Variants in TRPM2 observed in about 807,000 individuals in gnomAD.
TRPM2 encodes the protein transient receptor potential cation channel subfamily M member 2, also known as estrogen-responsive element-associated gene 1 protein.
TRPM2 carries 161 observed loss-of-function variants against 174.0 expected under a neutral mutation model. The observed-to-expected ratio is 0.93, with a 90% CI of 0.81 to 1.05. TRPM2 has a LOEUF of 1.05. TRPM2 is among the 50% of genes least tolerant of loss of function. TRPM2 has a pLI of 0.00. For synonymous variants in TRPM2, 954 were observed against 861.3 expected (o/e 1.11, Z -1.88); for missense variants, 2,057 against 2,038.0 (o/e 1.01, Z -0.18).
intron 2 of TRPM2, among the ~76,000 whole-genome samples, chr21:44,361,638 G>T (rs1166077605): frequency 2.0e-5 from 3 of 149,580 alleles, no homozygotes; most frequent in Non-Finnish European, 1.5e-5. Context: ...TTTTCTGTTT[G>T]TTCTGTGTTT....
At chr21:44,426,575 G>A (rs529658622) in intron 25 of TRPM2, 85 bp from the exon 26 acceptor site, 14 of 1,427,402 alleles carry the variant, frequency 9.8e-6, no homozygotes, top group Non-Finnish European at 1.4e-5. Context: ...TTCAGACCCA[G>A]CTGAGCAGCC....
At chr21:44,373,274 C>T (rs527958375) in intron 5 of TRPM2, among the ~76,000 whole-genome samples, 10 of 152,166 alleles carry the variant, frequency 6.6e-5, no homozygotes, top group Non-Finnish European at 1.2e-4. Context: ...GCAACCTCCG[C>T]CTCCTGGGTT....
chr21:44,375,757 G>A (rs567883813), intron 5 of TRPM2, 76 bp from the exon 6 acceptor site: 3 of 1,488,314 alleles, frequency 2.0e-6, no homozygotes, highest in South Asian at 1.3e-5. Context: ...CTCTGTGAGG[G>A]CCGGTGTTCA....
chr21:44,381,646 A>G (rs1013343125), intron 8 of TRPM2, among the ~76,000 whole-genome samples: 4 of 152,010 alleles, frequency 2.6e-5, no homozygotes, highest in East Asian at 1.9e-4. Flanking sequence ...GTGGCTCACA[A>G]TTGTAATCCC....
At position 44,377,750 on chromosome 21, in the gene TRPM2, G is replaced by A. The variant is rs140720682; in HGVS notation, c.991G>A (p.Glu331Lys). The change falls in exon 7 of 32, where the codon GAG becomes AAG. Residue 331 changes from glutamate to lysine, a missense_variant. By Grantham distance (56) the Glu-to-Lys change is moderately conservative. Coordinates refer to ENST00000397928, the MANE Select transcript of TRPM2 (RefSeq NM_003307.4). ...GATCCCCATCGTGTGCGTGGTGCTG[G>A]AGGGCGGCCCGGGCACGTTGCACGT... ...IKIPIVCVVL[E>K]GGPGTLHTID... The A allele has an allele frequency of 6.2e-7, 1 of 1,614,210 alleles. No homozygotes were observed. Among genetic ancestry groups the A allele is most frequent in the Non-Finnish European group, 8.5e-7 (1 of 1,180,050 alleles).
Position 44,405,415 on chromosome 21 carries a change from C to T in TRPM2, c.2657+155C>T, listed in dbSNP as rs148237116. On this transcript the variant is annotated intron_variant, in intron 17 of 31. Coordinates refer to ENST00000397928, the MANE Select transcript of TRPM2 (RefSeq NM_003307.4). ...TGTCCAATGGGTGTCCAGGCAACAG[C>T]GCCCCACCTACCCTTGGGATTGTTG... Among the ~76,000 whole-genome samples the T allele has an allele frequency of 1.1e-4, 16 of 152,282 alleles. No individual in the cohort carries two copies. The East Asian group carries it at 1.3e-3, about 13-fold the overall frequency.
intron 8 of TRPM2, among the ~76,000 whole-genome samples, chr21:44,380,603 C>A (rs138087408): frequency 0.02 from 2,975 of 152,338 alleles, 56 homozygotes; most frequent in Non-Finnish European, 0.03. Context: ...GATGCTCCTG[C>A]TCAGTGGGGA....
rs2050286647 is a variant in TRPM2, at chr21:44,416,553, G to A, written c.3147-1374G>A. On this transcript the variant is annotated intron_variant, in intron 20 of 31. Transcript: ENST00000397928. ...CACAGATCAGGTCCTAGAGTTCAGT[G>A]CCAGACAGTGTCTGTCTCCTGATAA... is the stretch of plus-strand genomic sequence containing the variant. 2.3e-5 allele frequency: 4 copies of A among 175,998 alleles called. No individual in the cohort carries two copies. The Admixed American group carries it at 2.4e-4, about 11-fold the overall frequency. The allele number at this position is 175,998 out of a possible 1,614,324, so 10.9% of individuals were successfully genotyped here. A position where few individuals can be genotyped will look rare whatever the true frequency, so the allele number is the denominator to read the frequency against.
chr21:44,354,000 C>T, intron 1 of TRPM2, 135 bp downstream of exon 1: 6 of 1,080,628 alleles, frequency 5.6e-6, no homozygotes, highest in Admixed American at 7.0e-5. Context: ...CCAACCATAC[C>T]TTTGGGAGAA....
intron 2 of TRPM2, among the ~76,000 whole-genome samples, chr21:44,360,278 C>T (rs1219562253): frequency 6.6e-6 from 1 of 152,136 alleles, no homozygotes; most frequent in East Asian, 1.9e-4. Flanking sequence ...GGGGAGGAGG[C>T]AGAGTAGCAG....
chr21:44,441,224 G>C (rs2051492434), intron 31 of TRPM2, among the ~76,000 whole-genome samples: 1 of 132,108 alleles, frequency 7.6e-6, no homozygotes, highest in Non-Finnish European at 1.6e-5. Flanking sequence ...GGTGGCCAGA[G>C]CTCACAGGGC....
chr21:44,391,792 A>G lies in TRPM2; in HGVS notation c.1794+167A>G, dbSNP rs1236457363. On this transcript the variant is annotated intron_variant, in intron 11 of 31. Transcript: ENST00000397928. This position sits in a 1 kb window ranked among gnomAD's most constrained non-coding sequence, Gnocchi z 5.0. ...ACAAAATTCCACAGATGGGGCAGAA[A>G]CTACCAGTTTATTTTCTCGAAGTTC... 6.6e-6 allele frequency among the ~76,000 whole-genome samples: 1 copy of G among 152,170 alleles called. No individual in the cohort carries two copies. The highest frequency in any genetic ancestry group is 1.5e-5 in the Non-Finnish European group (1 of 68,024).
chr21:44,437,432 C>T (rs866194116), intron 29 of TRPM2, among the ~76,000 whole-genome samples: 3 of 152,318 alleles, frequency 2.0e-5, no homozygotes, highest in Middle Eastern at 6.8e-3. Flanking sequence ...CAGGCATGGG[C>T]TGGGCTGCGG....
intron 2 of TRPM2, among the ~76,000 whole-genome samples, chr21:44,357,460 C>T (rs559910269): frequency 2.0e-5 from 3 of 152,348 alleles, no homozygotes; most frequent in Admixed American, 1.3e-4. Flanking sequence ...TGAAGGCCTA[C>T]GTGATGGGCT....
intron 9 of TRPM2, among the ~76,000 whole-genome samples, chr21:44,387,177 C>T (rs1179997994): frequency 6.6e-6 from 1 of 152,048 alleles, no homozygotes; most frequent in Non-Finnish European, 1.5e-5. Flanking sequence ...CAGAGCAAGA[C>T]CCTGTCTCAA....
chr21:44,397,943 A>G, intron 13 of TRPM2, 67 bp downstream of exon 13: 1 of 1,478,940 alleles, frequency 6.8e-7, no homozygotes, highest in South Asian at 1.4e-5. Flanking sequence ...TGGAGTTCCC[A>G]TCCCTGGGTC....
intron 19 of TRPM2, among the ~76,000 whole-genome samples, chr21:44,408,282 T>C (rs1011592938): frequency 1.3e-5 from 2 of 152,070 alleles, no homozygotes; most frequent in African/African-American, 4.8e-5. Context: ...TAACGTAGCA[T>C]GAACAGTTAT....
chr21:44,409,036 C>T (rs995829228), intron 19 of TRPM2, among the ~76,000 whole-genome samples: 2 of 151,994 alleles, frequency 1.3e-5, no homozygotes, highest in African/African-American at 2.4e-5. Context: ...GAGTTCTTTA[C>T]GTAAGGATGC....
At chr21:44,409,978 C>G (rs1384843151) in intron 19 of TRPM2, among the ~76,000 whole-genome samples, 12 of 144,672 alleles carry the variant, frequency 8.3e-5, no homozygotes, top group East Asian at 2.1e-4. Flanking sequence ...TGACCTCACT[C>G]TCTTGGTTGG....
Sources: allele counts gnomAD v4.1 joint callset (sites outside exome capture counted in the v4.1 genomes callset), GRCh38; gene constraint gnomAD v4.1.1; non-coding constraint Gnocchi (gnomAD v3.1); transcripts MANE v1.5; gene names NCBI Gene and HGNC (gene_info 2026-07-23, HGNC 2026-07-21).